Variants in KAZN observed in about 807,000 individuals in gnomAD.
The protein encoded by KAZN is kazrin, periplakin interacting protein.
In KAZN, 40 loss-of-function variants were observed where a neutral mutation model predicts 87.4. The observed-to-expected ratio is 0.46, with a 90% CI of 0.36 to 0.60. The LOEUF (loss-of-function observed/expected upper bound fraction) is 0.60. KAZN is among the 20% of genes least tolerant of loss of function. The pLI, the probability that KAZN is intolerant of heterozygous loss-of-function variation, is 0.00. For synonymous variants in KAZN, 466 were observed against 458.3 expected, an observed-to-expected ratio of 1.02 and a Z score of -0.22; for missense variants, 898 against 1,073.9, an observed-to-expected ratio of 0.84 and a Z score of 2.29.
At chr1:14,025,819 A>C (rs889890151) in intron 1 of KAZN, among the ~76,000 whole-genome samples, 2 of 152,168 alleles carry the variant, frequency 1.3e-5, no homozygotes, top group Admixed American at 1.3e-4. Context: ...ATTTGGCTCC[A>C]TTCTTACCTC....
chr1:15,103,323 C>G (rs2100718499), intron 11 of KAZN, 36 bp from the exon 12 acceptor site: 1 of 1,509,356 alleles, frequency 6.6e-7, no homozygotes, highest in Middle Eastern at 2.1e-4. Context: ...TGCGTGTCCC[C>G]TTGTCCCTCC....
At chr1:14,263,162 C>T (rs1210734958) in intron 2 of KAZN, among the ~76,000 whole-genome samples, 1 of 152,198 alleles carries the variant, frequency 6.6e-6, no homozygotes, top group African/African-American at 2.4e-5. Context: ...TAGAGCTCAA[C>T]TTTACTTCCC....
intron 1 of KAZN, among the ~76,000 whole-genome samples, chr1:14,884,127 C>A (rs919122552): frequency 2.0e-5 from 3 of 152,146 alleles, no homozygotes; most frequent in Non-Finnish European, 4.4e-5. Context: ...GGCGCGGGGG[C>A]TCACACCTGT....
chr1:14,115,043 C>T (rs905036494), intron 1 of KAZN, among the ~76,000 whole-genome samples: 1 of 152,188 alleles, frequency 6.6e-6, no homozygotes, highest in African/African-American at 2.4e-5. Flanking sequence ...TCAGCCCAGG[C>T]TGCCATAACA....
At chr1:15,112,731 C>A (rs12046842) in intron 14 of KAZN, 190 bp downstream of exon 14, 264,752 of 556,728 alleles carry the variant, frequency 0.48, 64,895 homozygotes, top group Middle Eastern at 0.54. Context: ...GGGTACAGTG[C>A]ACAAAGCCCC....
At chr1:15,057,853 G>A (rs1023953793) in intron 5 of KAZN, among the ~76,000 whole-genome samples, 11 of 152,190 alleles carry the variant, frequency 7.2e-5, no homozygotes, top group South Asian at 4.1e-4. Context: ...TCTGAATCAC[G>A]TGGGGGCAGC....
At chr1:14,802,559 G>A (rs1284579315) in intron 1 of KAZN, among the ~76,000 whole-genome samples, 1 of 152,234 alleles carries the variant, frequency 6.6e-6, no homozygotes, top group East Asian at 1.9e-4. Context: ...CCTACTATAT[G>A]CACGGAACAG....
intron 1 of KAZN, among the ~76,000 whole-genome samples, chr1:13,910,352 C>G (rs1639606430): frequency 6.6e-6 from 1 of 151,720 alleles, no homozygotes; most frequent in Non-Finnish European, 1.5e-5. Context: ...ACTAAAAATA[C>G]AAAAAATTAG....
intron 2 of KAZN, among the ~76,000 whole-genome samples, chr1:14,413,695 C>A (rs1664505435): frequency 7.1e-6 from 1 of 140,964 alleles, no homozygotes; most frequent in African/African-American, 2.7e-5. Context: ...ACACAAATGA[C>A]AAAGAAAATA....
chr1:14,471,893 G>T (rs898204669), intron 2 of KAZN, among the ~76,000 whole-genome samples: 2 of 152,212 alleles, frequency 1.3e-5, no homozygotes, highest in African/African-American at 4.8e-5. Flanking sequence ...CAGAGTCTCA[G>T]AAGCTCTAGG....
intron 1 of KAZN, among the ~76,000 whole-genome samples, chr1:14,844,117 C>T (rs1648377018): frequency 6.6e-6 from 1 of 152,144 alleles, no homozygotes; most frequent in African/African-American, 2.4e-5. Flanking sequence ...ATTAGCCACC[C>T]TTTGACATCT....
At chr1:14,396,533 G>A (rs1386015457) in intron 2 of KAZN, among the ~76,000 whole-genome samples, 33 of 152,180 alleles carry the variant, frequency 2.2e-4, no homozygotes, top group Admixed American at 2.2e-3. Flanking sequence ...CCCCTAACAC[G>A]TGAGAATTTT....
intron 1 of KAZN, among the ~76,000 whole-genome samples, chr1:14,851,920 G>C (rs1649494699): frequency 6.6e-6 from 1 of 152,184 alleles, no homozygotes; most frequent in South Asian, 2.1e-4. Flanking sequence ...GAATCCTCAG[G>C]GCCTAGACAT....
chr1:14,589,862 C>T (rs1441316469), intron 2 of KAZN, among the ~76,000 whole-genome samples: 1 of 152,102 alleles, frequency 6.6e-6, no homozygotes, highest in Non-Finnish European at 1.5e-5. Flanking sequence ...GTGAGTAAAG[C>T]ATCCTGGGAG....
chr1:14,405,472 C>T (rs979143876), intron 2 of KAZN, among the ~76,000 whole-genome samples: 2 of 151,962 alleles, frequency 1.3e-5, no homozygotes, highest in Non-Finnish European at 2.9e-5. Flanking sequence ...GGAGAGGAAG[C>T]GGGAGAGGCA....
At chr1:14,450,450 C>T (rs953314549) in intron 2 of KAZN, among the ~76,000 whole-genome samples, 5 of 152,224 alleles carry the variant, frequency 3.3e-5, no homozygotes, top group East Asian at 1.9e-4. Flanking sequence ...ATTAGCCAGA[C>T]GTGGTGGCAG....
intron 1 of KAZN, among the ~76,000 whole-genome samples, chr1:14,145,438 T>C (rs1645325858): frequency 6.6e-6 from 1 of 151,992 alleles, no homozygotes; most frequent in African/African-American, 2.4e-5. Flanking sequence ...AAAAAGACCA[T>C]GTCTCTGAAA....
intron 1 of KAZN, among the ~76,000 whole-genome samples, chr1:14,884,371 A>G (rs1195047105): frequency 6.6e-6 from 1 of 152,186 alleles, no homozygotes; most frequent in Non-Finnish European, 1.5e-5. Context: ...CAGCCTGGCA[A>G]CAGAGCGAGA....
chr1:14,423,051 A>T lies in KAZN; in HGVS notation c.250-175932A>T, dbSNP rs560450362. Among the ~76,000 whole-genome samples, 9 of 152,372 alleles carry T rather than the reference A, an allele frequency of 5.9e-5. 1 individual carries two copies. The South Asian group carries it at 1.9e-3, about 32-fold the overall frequency. ...AAATTATCACTTTTATAAACAGATA[A>T]AGAGGAAGCTAGTCTCATAGCAACT... On this transcript the variant is annotated intron_variant, in intron 2 of 16. Coordinates refer to the KAZN transcript ENST00000636203.
Sources: gnomAD v4.1 joint callset for allele counts (sites outside exome capture counted in the v4.1 genomes callset) on GRCh38, gnomAD v4.1.1 for gene constraint, MANE v1.5 for transcripts, NCBI Gene and HGNC (gene_info 2026-07-23, HGNC 2026-07-21) for gene names.